Variants in ZC3H3 observed in about 807,000 individuals in gnomAD.
ZC3H3 encodes the protein zinc finger CCCH domain-containing protein 3.
Under a neutral mutation model 77.3 loss-of-function variants are expected in ZC3H3, and 36 were observed. The ratio of observed to expected loss-of-function variants is 0.47; its 90% CI spans 0.36 to 0.61. The LOEUF (loss-of-function observed/expected upper bound fraction) is 0.61. Among genes scored for constraint, ZC3H3 ranks in the 20% least tolerant of loss-of-function variants. The pLI, the probability that ZC3H3 is intolerant of heterozygous loss-of-function variation, is 0.00. For missense variants in ZC3H3, 1,331 were observed against 1,312.2 expected (o/e 1.01, Z -0.22); for synonymous variants, 626 against 555.2 (o/e 1.13, Z -1.79).
At chr8:143,439,802 G>A (rs944967250) in intron 11 of ZC3H3, among the ~76,000 whole-genome samples, 2 of 149,184 alleles carry the variant, frequency 1.3e-5, no homozygotes, top group Admixed American at 6.6e-5. Context: ...CCCTGTGCCC[G>A]AGCCCGGCCA....
At chr8:143,449,682 G>A (rs1819940267) in intron 9 of ZC3H3, among the ~76,000 whole-genome samples, 1 of 152,164 alleles carries the variant, frequency 6.6e-6, no homozygotes, top group Non-Finnish European at 1.5e-5. Flanking sequence ...AGGTTGCAGT[G>A]AGCTGAGATT....
At chr8:143,541,317 C>T in intron 1 of ZC3H3, 59 bp downstream of exon 1, 1 of 1,599,074 alleles carries the variant, frequency 6.3e-7, no homozygotes, top group Non-Finnish European at 8.5e-7. Flanking sequence ...GGGCAGGGGA[C>T]CCGCCGCGAG....
intron 3 of ZC3H3, among the ~76,000 whole-genome samples, chr8:143,511,079 C>T (rs1821856374): frequency 6.6e-6 from 1 of 152,254 alleles, no homozygotes; most frequent in African/African-American, 2.4e-5. Flanking sequence ...GATATGAGCC[C>T]ATCCATCAGC....
At chr8:143,509,610 A>G (rs759330463) in intron 3 of ZC3H3, among the ~76,000 whole-genome samples, 5 of 152,202 alleles carry the variant, frequency 3.3e-5, no homozygotes, top group African/African-American at 9.6e-5. Context: ...AGGCCGCCCA[A>G]TGCCTGCTGC....
chr8:143,520,839 G>C (rs1431805454), intron 3 of ZC3H3, among the ~76,000 whole-genome samples: 2 of 152,210 alleles, frequency 1.3e-5, no homozygotes, highest in Non-Finnish European at 2.9e-5. Flanking sequence ...GTGCCCACTA[G>C]GGCCCACCCC....
Position 143,494,817 on chromosome 8 carries a change from C to T in ZC3H3, c.1715+12929G>A, listed in dbSNP as rs1821302011. 6.6e-6 allele frequency among the ~76,000 whole-genome samples: 1 copy of T among 152,194 alleles called. No individual in the cohort carries two copies. ...AGTCAAGAATGAGGAGCCAGAATAC[C>T]GGCCACCAACGGGCAAACGGCCTGA... On this transcript the variant is annotated intron_variant, in intron 4 of 11. Transcript: ENST00000262577. The surrounding 1 kb of genome is among the most constrained non-coding windows in gnomAD (Gnocchi z 5.3).
intron 3 of ZC3H3, among the ~76,000 whole-genome samples, chr8:143,514,836 G>C (rs981970940): frequency 1.3e-5 from 2 of 152,202 alleles, no homozygotes; most frequent in African/African-American, 4.8e-5. Flanking sequence ...CTCCGAGGCA[G>C]GACAGGAAAG....
intron 3 of ZC3H3, among the ~76,000 whole-genome samples, chr8:143,522,023 C>T (rs1230237501): frequency 6.6e-6 from 1 of 152,194 alleles, no homozygotes; most frequent in African/African-American, 2.4e-5. Context: ...GTGTGTCCAC[C>T]CAGGTGTGTC....
intron 9 of ZC3H3, among the ~76,000 whole-genome samples, chr8:143,442,556 C>T (rs1038526764): frequency 6.6e-6 from 1 of 151,714 alleles, no homozygotes; most frequent in Non-Finnish European, 1.5e-5. Context: ...CACAAAGGGG[C>T]AGGACTGCAG....
intron 4 of ZC3H3, among the ~76,000 whole-genome samples, chr8:143,507,044 C>G (rs1563866885): frequency 6.6e-6 from 1 of 152,228 alleles, no homozygotes; most frequent in Admixed American, 6.5e-5. Flanking sequence ...CCTGCCAGAG[C>G]TATTACCCTC....
At chr8:143,504,293 C>T (rs1229243495) in intron 4 of ZC3H3, among the ~76,000 whole-genome samples, 1 of 152,166 alleles carries the variant, frequency 6.6e-6, no homozygotes, top group African/African-American at 2.4e-5. Context: ...GTGCAGTCCC[C>T]GCCATGAGCA....
chr8:143,538,098 T>C lies in ZC3H3; in HGVS notation c.1269A>G (p.Gly423=). 1 of 1,613,148 alleles carries C rather than the reference T, an allele frequency of 6.2e-7. No homozygotes were observed. Residue 423 remains glycine (G), a synonymous_variant, in exon 2 of 12, where the codon GGA becomes GGG. Transcript: ENST00000262577. ...RSPSGDRPAV[G]HSGLKPLSGE... is the part of the protein sequence containing the mutation. ...CAGAGAGGGGCTTCAAGCCACTGTG[T>C]CCTACTGCTGGTCTGTCCCCCGACG...
intron 9 of ZC3H3, among the ~76,000 whole-genome samples, chr8:143,447,444 A>T (rs1436392351): frequency 2.0e-5 from 3 of 152,246 alleles, no homozygotes; most frequent in African/African-American, 7.2e-5. Context: ...AACAGAAAAC[A>T]GCATCAGGGA....
At chr8:143,463,448 C>T (rs2129859054) in intron 9 of ZC3H3, among the ~76,000 whole-genome samples, 1 of 152,256 alleles carries the variant, frequency 6.6e-6, no homozygotes, top group Admixed American at 6.5e-5. Flanking sequence ...TAAAAGGGGA[C>T]GGCAATGGAC....
At chr8:143,525,957 G>A (rs1161792792) in intron 3 of ZC3H3, among the ~76,000 whole-genome samples, 3 of 152,268 alleles carry the variant, frequency 2.0e-5, no homozygotes, top group Non-Finnish European at 2.9e-5. Context: ...CACTGGCCCC[G>A]CTTCAGCGGC....
chr8:143,454,924 T>C (rs529681621), intron 9 of ZC3H3, among the ~76,000 whole-genome samples: 1 of 152,064 alleles, frequency 6.6e-6, no homozygotes. Flanking sequence ...TCATAAAAAA[T>C]GGCCCCAAAG....
At chr8:143,537,090 G>A (rs558117045) in intron 2 of ZC3H3, among the ~76,000 whole-genome samples, 1 of 152,298 alleles carries the variant, frequency 6.6e-6, no homozygotes, top group South Asian at 2.1e-4. Flanking sequence ...GACAGAGGCA[G>A]GACCCCCGCC....
intron 3 of ZC3H3, among the ~76,000 whole-genome samples, chr8:143,521,983 G>A (rs1478397786): frequency 6.6e-6 from 1 of 152,196 alleles, no homozygotes; most frequent in African/African-American, 2.4e-5. Flanking sequence ...CCCGCAAAGT[G>A]CCCTCTATGG....
chr8:143,439,411 G>A (rs959893880), intron 11 of ZC3H3, among the ~76,000 whole-genome samples: 3 of 152,212 alleles, frequency 2.0e-5, no homozygotes, highest in South Asian at 2.1e-4. Flanking sequence ...GCCGAGCTGC[G>A]TGGGGTTTAT....
Sources: gnomAD v4.1 joint callset for allele counts (sites outside exome capture counted in the v4.1 genomes callset) on GRCh38, gnomAD v4.1.1 for gene constraint, Gnocchi (gnomAD v3.1) non-coding constraint, MANE v1.5 for transcripts, NCBI Gene and HGNC (gene_info 2026-07-23, HGNC 2026-07-21) for gene names.